The following FNDC3B variants were observed in gnomAD, a reference collection of about 807,000 sequenced individuals.
The protein encoded by FNDC3B is fibronectin type III domain-containing protein 3B.
A neutral mutation model predicts 151.5 loss-of-function variants in FNDC3B; 12 were observed. That is an observed-to-expected ratio of 0.08 (90% confidence interval 0.05 to 0.13). The LOEUF (loss-of-function observed/expected upper bound fraction) is 0.13, where lower values mean the gene tolerates loss of function less well. FNDC3B is among the 10% of genes least tolerant of loss of function. The pLI is 1.00. For synonymous variants in FNDC3B, 528 were observed against 549.0 expected, an observed-to-expected ratio of 0.96 and a Z score of 0.54; for missense variants, 1,214 against 1,505.3, an observed-to-expected ratio of 0.81 and a Z score of 3.20.
Position 172,067,726 on chromosome 3 carries a change from T to C in FNDC3B, c.-29+27955T>C, listed in dbSNP as rs1362088324. On this transcript the variant is annotated intron_variant, in intron 1 of 25. Transcript: ENST00000415807. ...TACTTAACAGGCCCATTAAGAATCTTCAGAAGTTTGCATCTTGTTAGGGAT... is the reference window on the plus strand; with the variant it reads ...TACTTAACAGGCCCATTAAGAATCTCCAGAAGTTTGCATCTTGTTAGGGAT... 2.6e-5 allele frequency among the ~76,000 whole-genome samples: 4 copies of C among 152,176 alleles called. No individual in the cohort carries two copies. The East Asian group carries it at 7.7e-4, about 29-fold the overall frequency.
chr3:172,290,423 A>G (rs777564016), intron 7 of FNDC3B, among the ~76,000 whole-genome samples: 6 of 152,138 alleles, frequency 3.9e-5, no homozygotes, highest in Non-Finnish European at 7.3e-5. Flanking sequence ...ACCATGACAG[A>G]GCAATAAGCC....
intron 25 of FNDC3B, among the ~76,000 whole-genome samples, chr3:172,392,677 C>T (rs1341719167): frequency 6.6e-6 from 1 of 151,636 alleles, no homozygotes; most frequent in East Asian, 1.9e-4. Flanking sequence ...GAATAGGTGG[C>T]AAGTGTTTTA....
chr3:172,297,429 A>G (rs1337330835), intron 8 of FNDC3B, among the ~76,000 whole-genome samples: 3 of 151,462 alleles, frequency 2.0e-5, no homozygotes, highest in East Asian at 3.9e-4. Context: ...TATCATTTGA[A>G]CTCCTTCCTC....
At chr3:172,128,192 G>A (rs1205870065) in intron 2 of FNDC3B, among the ~76,000 whole-genome samples, 2 of 152,088 alleles carry the variant, frequency 1.3e-5, no homozygotes, top group African/African-American at 2.4e-5. Flanking sequence ...TCCTGTTATT[G>A]TATATTATTT....
chr3:172,366,154 CT>C (rs111882751), intron 23 of FNDC3B, among the ~76,000 whole-genome samples: 2 of 152,132 alleles, frequency 1.3e-5, no homozygotes, highest in African/African-American at 4.8e-5. Flanking sequence ...CCAAAAACCC[CT>C]CAGGTTCTGC....
chr3:172,362,604 T>C, intron 22 of FNDC3B, 29 bp from the exon 23 acceptor site: 1 of 1,514,834 alleles, frequency 6.6e-7, no homozygotes, highest in South Asian at 1.1e-5. Context: ...TAACCTGCAT[T>C]GTCTGTATTT....
At chr3:172,131,175 T>C (rs1031063966) in intron 2 of FNDC3B, among the ~76,000 whole-genome samples, 3 of 152,142 alleles carry the variant, frequency 2.0e-5, no homozygotes, top group African/African-American at 7.2e-5. Context: ...GACGGACGGA[T>C]CACCTGAGGT....
intron 2 of FNDC3B, among the ~76,000 whole-genome samples, chr3:172,127,791 G>C (rs1720878820): frequency 1.3e-5 from 2 of 152,060 alleles, no homozygotes; most frequent in Admixed American, 6.5e-5. Context: ...TCAGCCTCCA[G>C]AGTAGCTGAG....
chr3:172,188,607 ATG>A (rs1246271667), intron 3 of FNDC3B, among the ~76,000 whole-genome samples: 4 of 151,748 alleles, frequency 2.6e-5, no homozygotes, highest in African/African-American at 9.7e-5. Flanking sequence ...GGGTTTCACC[ATG>A]TTGGCCAGGA....
At chr3:172,162,154 T>G (rs1455519620) in intron 3 of FNDC3B, among the ~76,000 whole-genome samples, 1 of 152,112 alleles carries the variant, frequency 6.6e-6, no homozygotes, top group Non-Finnish European at 1.5e-5. Flanking sequence ...AGTTTCTGTA[T>G]TTTTAGTAGA....
At chr3:172,328,907 T>G (rs1560080799) in intron 11 of FNDC3B, 45 bp from the exon 12 acceptor site, 7 of 1,393,862 alleles carry the variant, frequency 5.0e-6, no homozygotes, top group Middle Eastern at 1.9e-4. Context: ...TATCTGTTGT[T>G]TTTTTTTTTT....
At chr3:172,335,107 G>GTTTT (rs57479698) in intron 15 of FNDC3B, 25 bp downstream of exon 15, 209 of 1,317,154 alleles carry the variant, frequency 1.6e-4, no homozygotes, top group South Asian at 5.8e-4. Flanking sequence ...TGCTGCTACT[G>GTTTT]TTTTTTTTTT....
At chr3:172,105,638 AG>A (rs1453903371) in intron 1 of FNDC3B, among the ~76,000 whole-genome samples, 2 of 146,392 alleles carry the variant, frequency 1.4e-5, no homozygotes, top group Non-Finnish European at 3.0e-5. Flanking sequence ...AAAAAAAAAA[AG>A]ATGGGGTTTC....
chr3:172,140,851 TA>T (rs1721591863), intron 3 of FNDC3B, among the ~76,000 whole-genome samples: 1 of 152,250 alleles, frequency 6.6e-6, no homozygotes, highest in Admixed American at 6.5e-5. Flanking sequence ...TCTTGATTTT[TA>T]TGTTTATTCT....
Position 172,371,332 on chromosome 3 carries a change from A to G in FNDC3B, c.3009-6938A>G, listed in dbSNP as rs571308520. Among the ~76,000 whole-genome samples, 6 of 152,304 alleles carry G rather than the reference A, an allele frequency of 3.9e-5. No homozygotes were observed. The South Asian group carries it at 1.2e-3, about 32-fold the overall frequency. ...GAACATGTTCAGTATAGATGCAAGCATCCTTTTTTTCCCCCATTATTTTCT... is the reference window on the plus strand; with the variant it reads ...GAACATGTTCAGTATAGATGCAAGCGTCCTTTTTTTCCCCCATTATTTTCT... On this transcript the variant is annotated intron_variant, in intron 23 of 25. Coordinates refer to ENST00000415807, the MANE Select transcript of FNDC3B (RefSeq NM_022763.4).
chr3:172,212,881 A>G (rs915291939), intron 3 of FNDC3B, among the ~76,000 whole-genome samples: 2 of 152,154 alleles, frequency 1.3e-5, no homozygotes, highest in Non-Finnish European at 1.5e-5. Context: ...TGTGATTTGT[A>G]TCAGTTACCG....
chr3:172,135,327 C>A (rs1006739149), intron 3 of FNDC3B, among the ~76,000 whole-genome samples: 2 of 151,816 alleles, frequency 1.3e-5, no homozygotes, highest in Admixed American at 6.6e-5. Flanking sequence ...GTTGGCCGCT[C>A]CCCCACTTTT....
chr3:172,122,765 T>A (rs192453966), intron 2 of FNDC3B, among the ~76,000 whole-genome samples: 2 of 152,330 alleles, frequency 1.3e-5, no homozygotes, highest in African/African-American at 4.8e-5. Flanking sequence ...TTGAATAAAA[T>A]GGACAGTCTG....
In FNDC3B at chr3:172,134,170, A is replaced by G. The variant is rs112491403; in HGVS notation, c.187+624A>G. ...CTCAGAGTTCAGAACCTTATCATCTAAAGTTCCAGGTGTAGGTAAGGCTTT... is the reference window on the plus strand; with the variant it reads ...CTCAGAGTTCAGAACCTTATCATCTGAAGTTCCAGGTGTAGGTAAGGCTTT... On this transcript the variant is annotated intron_variant, in intron 3 of 25. Transcript: ENST00000415807. Among the ~76,000 whole-genome samples the G allele has an allele frequency of 5.0e-3, 768 of 152,308 alleles. 7 individuals are homozygous for G. Among genetic ancestry groups the G allele is most frequent in the African/African-American group, 0.017 (726 of 41,558 alleles).
Sources: gnomAD v4.1 joint callset for allele counts (sites outside exome capture counted in the v4.1 genomes callset) on GRCh38, gnomAD v4.1.1 for gene constraint, MANE v1.5 for transcripts, NCBI Gene and HGNC (gene_info 2026-07-23, HGNC 2026-07-21) for gene names.